Variants in RAB6B observed in about 807,000 individuals in gnomAD.
RAB6B encodes RAB6B, member RAS oncogene family, also known as ras-related protein Rab-6B.
A neutral mutation model predicts 31.2 loss-of-function variants in RAB6B; 7 were observed. The ratio of observed to expected loss-of-function variants is 0.22; its 90% CI spans 0.13 to 0.42. The LOEUF is 0.42. Among genes scored for constraint, RAB6B ranks in the 10% least tolerant of loss-of-function variants. RAB6B has a pLI of 1.00. For missense variants in RAB6B, 149 were observed against 280.6 expected, an observed-to-expected ratio of 0.53 and a Z score of 3.35; for synonymous variants, 105 against 104.9, an observed-to-expected ratio of 1.00 and a Z score of -0.01.
At chr3:133,829,343 G>A (rs894908646) in intron 7 of RAB6B, among the ~76,000 whole-genome samples, 1 of 152,188 alleles carries the variant, frequency 6.6e-6, no homozygotes, top group Non-Finnish European at 1.5e-5. Context: ...CCTGAGGATG[G>A]TTACTGTAAG....
At chr3:133,886,851 G>T (rs187103016) in intron 1 of RAB6B, among the ~76,000 whole-genome samples, 2 of 152,332 alleles carry the variant, frequency 1.3e-5, no homozygotes, top group Non-Finnish European at 2.9e-5. Flanking sequence ...CACATGCCAT[G>T]TATAGATGTA....
intron 2 of RAB6B, among the ~76,000 whole-genome samples, chr3:133,843,848 A>C (rs2107992797): frequency 6.6e-6 from 1 of 152,292 alleles, no homozygotes; most frequent in East Asian, 1.9e-4. Flanking sequence ...TGGCCCATCC[A>C]GATGAGGATG....
At position 133,891,889 on chromosome 3, in the gene RAB6B, C is replaced by T. The variant is rs1052763795; in HGVS notation, c.70+3508G>A. ...GGCCTGCCGTCCTCAGCTAGGAAAG[C>T]AGACAGAGCTTTTGCGTCTCCATCC... is the stretch of plus-strand genomic sequence containing the variant. On this transcript the variant is annotated intron_variant, in intron 1 of 7. Coordinates refer to ENST00000285208, the MANE Select transcript of RAB6B (RefSeq NM_016577.4). Among the ~76,000 whole-genome samples the T allele has an allele frequency of 4.6e-5, 7 of 152,326 alleles. No individual in the cohort carries two copies. In the East Asian group the frequency reaches 1.3e-3, roughly 29 times the overall value.
intron 1 of RAB6B, 74 bp downstream of exon 1, chr3:133,895,323 G>T: frequency 2.0e-6 from 3 of 1,498,248 alleles, no homozygotes; most frequent in Non-Finnish European, 2.8e-6. Flanking sequence ...TGGGCCGGGG[G>T]TCCCAATGGG....
In RAB6B at chr3:133,844,554, C is replaced by A. The variant is rs535003449; in HGVS notation, c.130-2891G>T. ...TTTGCTTTCAATAATGGCTGAGTGG[C>A]TTGTATCAAACAAACCCTCCAACAG... On this transcript the variant is annotated intron_variant, in intron 2 of 7. Transcript: ENST00000285208. 2.6e-5 allele frequency among the ~76,000 whole-genome samples: 4 copies of A among 152,340 alleles called. No homozygotes were observed. The East Asian group carries it at 7.7e-4, about 29-fold the overall frequency.
intron 1 of RAB6B, among the ~76,000 whole-genome samples, chr3:133,868,415 G>A (rs147897715): frequency 0.017 from 2,583 of 152,326 alleles, 28 homozygotes; most frequent in Non-Finnish European, 0.028. Flanking sequence ...GAAGAGCCAG[G>A]AGCTCCTCCT....
chr3:133,895,269 C>T (rs1384351492), intron 1 of RAB6B, 128 bp downstream of exon 1: 3 of 1,022,030 alleles, frequency 2.9e-6, no homozygotes, highest in African/African-American at 1.6e-5. Flanking sequence ...CTCCCCATCC[C>T]TGTCCCTCTC....
intron 1 of RAB6B, among the ~76,000 whole-genome samples, chr3:133,878,659 T>C (rs1161403024): frequency 1.3e-5 from 2 of 152,220 alleles, no homozygotes; most frequent in African/African-American, 4.8e-5. Context: ...TATTTGAGTC[T>C]CTTTAAAAGA....
chr3:133,884,665 A>G (rs920627683), intron 1 of RAB6B, among the ~76,000 whole-genome samples: 2 of 152,208 alleles, frequency 1.3e-5, no homozygotes, highest in African/African-American at 4.8e-5. Context: ...GGGGCCTCAT[A>G]TAACTAATGA....
intron 1 of RAB6B, among the ~76,000 whole-genome samples, chr3:133,878,540 A>G (rs191055093): frequency 2.6e-5 from 4 of 152,338 alleles, no homozygotes; most frequent in Admixed American, 2.6e-4. Flanking sequence ...AATGTTAAAG[A>G]AAGTCCTTCA....
intron 7 of RAB6B, among the ~76,000 whole-genome samples, chr3:133,830,483 A>G (rs756127093): frequency 5.3e-5 from 8 of 152,086 alleles, no homozygotes; most frequent in Admixed American, 2.6e-4. Context: ...AACACGTCCT[A>G]TGCTTTCCTT....
chr3:133,864,555 A>T, intron 2 of RAB6B, 29 bp downstream of exon 2: 1 of 1,606,936 alleles, frequency 6.2e-7, no homozygotes, highest in African/African-American at 1.3e-5. Flanking sequence ...CTGCCAGATG[A>T]TATGGAGGGT....
At chr3:133,846,437 ACT>A (rs1391062157) in intron 2 of RAB6B, among the ~76,000 whole-genome samples, 3 of 152,172 alleles carry the variant, frequency 2.0e-5, no homozygotes, top group Non-Finnish European at 4.4e-5. Context: ...ACAGAGTGAG[ACT>A]CTGTCTCCCA....
At chr3:133,885,451 G>C in intron 1 of RAB6B, 1 of 701,046 alleles carries the variant, frequency 1.4e-6, no homozygotes, top group Middle Eastern at 2.3e-4. Flanking sequence ...CCAGTGACCA[G>C]AGGACAGAGG....
At chr3:133,868,772 T>C (rs891875611) in intron 1 of RAB6B, among the ~76,000 whole-genome samples, 3 of 152,172 alleles carry the variant, frequency 2.0e-5, no homozygotes, top group Admixed American at 6.5e-5. Context: ...TACCAGGAGA[T>C]GCTAGAAAGA....
At chr3:133,833,088 G>T (rs1935678793) in intron 7 of RAB6B, among the ~76,000 whole-genome samples, 1 of 152,138 alleles carries the variant, frequency 6.6e-6, no homozygotes, top group African/African-American at 2.4e-5. Context: ...AGGCACAGCG[G>T]AGATCGCCTG....
chr3:133,837,420 A>C (rs1935752967), intron 6 of RAB6B, among the ~76,000 whole-genome samples: 1 of 152,218 alleles, frequency 6.6e-6, no homozygotes, highest in African/African-American at 2.4e-5. Flanking sequence ...AGATACCTGC[A>C]ACACTATGAG....
chr3:133,877,664 A>G (rs1050555210), intron 1 of RAB6B, among the ~76,000 whole-genome samples: 1 of 151,962 alleles, frequency 6.6e-6, no homozygotes, highest in Non-Finnish European at 1.5e-5. Context: ...AGCAGAAAAA[A>G]CAATCAACTG....
rs565722820 is a variant in RAB6B, at chr3:133,875,907, G to A, written c.71-11265C>T. Among the ~76,000 whole-genome samples the A allele has an allele frequency of 1.0e-3, 159 of 152,332 alleles. 1 individual carries two copies. The highest frequency in any genetic ancestry group is 3.7e-3 in the African/African-American group (152 of 41,584). The stretch of plus-strand genomic sequence containing the variant: ...AGGCAGAGGAGAACCGAACGCACTC[G>A]TGTGGAGGGAGAGGCAGTACTATCC... On this transcript the variant is annotated intron_variant, in intron 1 of 7. Coordinates refer to ENST00000285208, the MANE Select transcript of RAB6B (RefSeq NM_016577.4).
Sources: allele counts gnomAD v4.1 joint callset (sites outside exome capture counted in the v4.1 genomes callset), GRCh38; gene constraint gnomAD v4.1.1; transcripts MANE v1.5; gene names NCBI Gene and HGNC (gene_info 2026-07-23, HGNC 2026-07-21).